Variants in ZNF568 observed in about 807,000 individuals in gnomAD.
ZNF568 encodes the protein p53 inhibitor of SCO2 activation.
A neutral mutation model predicts 18.1 loss-of-function variants in ZNF568; 11 were observed. The observed-to-expected ratio is 0.61, with a 90% confidence interval of 0.38 to 1.00. The LOEUF (loss-of-function observed/expected upper bound fraction) is 1.00. Among genes scored for constraint, ZNF568 ranks in the 50% least tolerant of loss-of-function variants. ZNF568 has a pLI of 0.01. For missense variants in ZNF568, 639 were observed against 768.2 expected, an observed-to-expected ratio of 0.83 and a Z score of 1.99; for synonymous variants, 213 against 246.6, an observed-to-expected ratio of 0.86 and a Z score of 1.28.
At chr19:36,997,560 G>T, downstream of ZNF568, 1 of 1,584,878 alleles carries the variant, frequency 6.3e-7, no homozygotes. Flanking sequence ...AGTGTAAGGA[G>T]TGTGGGAAGC....
intron 6 of ZNF568, among the ~76,000 whole-genome samples, chr19:36,960,770 A>G (rs2074143017): frequency 6.6e-6 from 1 of 151,932 alleles, no homozygotes; most frequent in South Asian, 2.1e-4. Flanking sequence ...TTTCATTTTA[A>G]TTATGATCTT....
chr19:36,971,422 T>A (rs1210844589), intron 6 of ZNF568, among the ~76,000 whole-genome samples: 2 of 152,114 alleles, frequency 1.3e-5, no homozygotes, highest in African/African-American at 4.8e-5. Flanking sequence ...GAATTTTTTT[T>A]AATGAAATGT....
intron 7 of ZNF568, among the ~76,000 whole-genome samples, chr19:36,975,923 T>C (rs2074281454): frequency 6.6e-6 from 1 of 151,780 alleles, no homozygotes; most frequent in Non-Finnish European, 1.5e-5. Flanking sequence ...CTCCTACTCC[T>C]GACCTTGTGA....
At chr19:36,968,628 C>A (rs2074212753) in intron 6 of ZNF568, among the ~76,000 whole-genome samples, 1 of 150,748 alleles carries the variant, frequency 6.6e-6, no homozygotes, top group East Asian at 1.9e-4. Flanking sequence ...TATCATCCCT[C>A]AGGTTACTTA....
downstream of ZNF568, among the ~76,000 whole-genome samples, chr19:36,983,911 T>TTTTTTG (rs1300895800): frequency 6.9e-6 from 1 of 144,512 alleles, no homozygotes; most frequent in African/African-American, 2.7e-5. Flanking sequence ...TTTTTTTTTT[T>TTTTTTG]TTGTTGAGAC....
At position 36,936,882 on chromosome 19, in the gene ZNF568, C is replaced by T. The variant is rs997786967; in HGVS notation, c.262+10C>T. 5 of 1,609,268 alleles carry T rather than the reference C, an allele frequency of 3.1e-6. No individual in the cohort carries two copies. The highest frequency in any genetic ancestry group is 4.2e-6 in the Non-Finnish European group (5 of 1,176,886). ...AACCTAGTCACAGTGGGTAAGGTGG[C>T]TTGGTAGCCTTGCAATTTAACAGAG... On this transcript the variant is annotated intron_variant, in intron 5 of 6. Coordinates refer to ENST00000333987, the MANE Select transcript of ZNF568 (RefSeq NM_198539.4).
At chr19:36,946,628 T>G (rs1484582855) in intron 6 of ZNF568, among the ~76,000 whole-genome samples, 3 of 150,324 alleles carry the variant, frequency 2.0e-5, no homozygotes, top group Non-Finnish European at 4.4e-5. Context: ...AAAGAAATTT[T>G]TTAGTTTTTT....
At chr19:36,997,540 A>T, downstream of ZNF568, 1 of 1,587,846 alleles carries the variant, frequency 6.3e-7, no homozygotes, top group Non-Finnish European at 8.5e-7. Flanking sequence ...CACTGGTGAG[A>T]AACCCTACGA....
chr19:36,936,997 C>G, intron 5 of ZNF568, 125 bp downstream of exon 5: 1 of 1,374,000 alleles, frequency 7.3e-7, no homozygotes, highest in Non-Finnish European at 1.0e-6. Flanking sequence ...ATGTGCTCCA[C>G]TCTTCAGTGT....
chr19:36,937,371 G>A, intron 6 of ZNF568, 129 bp downstream of exon 6: 2 of 625,360 alleles, frequency 3.2e-6, no homozygotes, highest in Non-Finnish European at 5.4e-6. Flanking sequence ...AAATGGGATG[G>A]AGTGCTTTAG....
At chr19:36,947,250 G>A (rs954981748) in intron 6 of ZNF568, among the ~76,000 whole-genome samples, 2 of 151,866 alleles carry the variant, frequency 1.3e-5, no homozygotes, top group African/African-American at 2.4e-5. Context: ...TCCCGACCTC[G>A]TGATCCACCT....
chr19:36,958,678 G>A (rs1394632798), intron 6 of ZNF568, among the ~76,000 whole-genome samples: 2 of 132,952 alleles, frequency 1.5e-5, no homozygotes, highest in Non-Finnish European at 3.0e-5. Flanking sequence ...GAGTACTGTG[G>A]CACAATCTTG....
At chr19:36,938,001 G>A (rs1600797143) in intron 6 of ZNF568, among the ~76,000 whole-genome samples, 1 of 152,062 alleles carries the variant, frequency 6.6e-6, no homozygotes, top group Non-Finnish European at 1.5e-5. Context: ...GAGTTATCCT[G>A]GCTATTTTTG....
At chr19:36,931,353 T>C (rs1308874603) in intron 4 of ZNF568, among the ~76,000 whole-genome samples, 1 of 152,146 alleles carries the variant, frequency 6.6e-6, no homozygotes, top group African/African-American at 2.4e-5. Flanking sequence ...GAATAATCAA[T>C]TTATCACAGT....
chr19:36,920,107 G>C, intron 2 of ZNF568, among the ~76,000 whole-genome samples: 1 of 152,132 alleles, frequency 6.6e-6, no homozygotes, highest in South Asian at 2.1e-4. Context: ...CTTCCAGTGG[G>C]GCCAGATGTG....
Position 36,926,383 on chromosome 19 carries a change from G to A in ZNF568, c.135+1125G>A, listed in dbSNP as rs911076531. Among the ~76,000 whole-genome samples the A allele has an allele frequency of 4.6e-5, 7 of 151,980 alleles. 1 individual carries two copies. The highest frequency in any genetic ancestry group is 1.7e-4 in the African/African-American group (7 of 41,362). ...CTTCTTTTGACCATATGATCATATG[G>A]CTCATCCAGTTACTTCTGTTGGCGC... On this transcript the variant is annotated intron_variant, in intron 4 of 6. Transcript: ENST00000333987.
At chr19:36,963,255 G>A (rs2074169020) in intron 6 of ZNF568, among the ~76,000 whole-genome samples, 1 of 152,090 alleles carries the variant, frequency 6.6e-6, no homozygotes, top group South Asian at 2.1e-4. Context: ...ATGGAGATAC[G>A]AATTTTATGA....
At position 36,974,565 on chromosome 19, in the gene ZNF568, G is replaced by A. The variant is rs374965908; in HGVS notation, c.405+99G>A. On this transcript the variant is annotated intron_variant, in intron 7 of 7. Coordinates refer to the ZNF568 transcript ENST00000427117. The stretch of plus-strand genomic sequence containing the variant: ...CTAAAATATTTACATTCATGATTTG[G>A]ACAAAGGGGAAGAGGGGAGGAAACT... 110 of 1,255,640 alleles carry A rather than the reference G, an allele frequency of 8.8e-5. 1 individual carries two copies. Among genetic ancestry groups the A allele is most frequent in the East Asian group, 3.8e-4 (15 of 39,552 alleles). 77.8% of individuals were successfully genotyped at this position (1,255,640 alleles called of 1,614,324 possible). A position where few individuals can be genotyped will look rare whatever the true frequency, so the allele number is the denominator to read the frequency against.
chr19:36,974,896 A>G (rs1644649), intron 7 of ZNF568, among the ~76,000 whole-genome samples: 84,482 of 146,834 alleles, frequency 0.58, 25,295 homozygotes, highest in African/African-American at 0.74. Context: ...GTGTGATCTC[A>G]GCTCACTGCA....
Sources: allele counts gnomAD v4.1 joint callset (sites outside exome capture counted in the v4.1 genomes callset), GRCh38; gene constraint gnomAD v4.1.1; transcripts MANE v1.5; gene names NCBI Gene and HGNC (gene_info 2026-07-23, HGNC 2026-07-21).